TBC1D22B: variants seen among roughly 807,000 people sequenced by gnomAD.
The protein encoded by TBC1D22B is TBC1 domain family member 22B, also known as chromosome 6 open reading frame 197.
In TBC1D22B, 32 loss-of-function variants were observed where a neutral mutation model predicts 69.1. The observed-to-expected ratio is 0.46, with a 90% CI of 0.35 to 0.62. TBC1D22B has a LOEUF of 0.62. Ranked by LOEUF, TBC1D22B falls within the 20% of genes least tolerant of loss-of-function variation. The pLI is 0.00. For synonymous variants in TBC1D22B, 206 were observed against 229.8 expected (o/e 0.90, Z 0.94); for missense variants, 462 against 630.9 (o/e 0.73, Z 2.87).
intron 2 of TBC1D22B, among the ~76,000 whole-genome samples, chr6:37,279,047 G>C (rs1393263259): frequency 6.6e-6 from 1 of 152,192 alleles, no homozygotes; most frequent in Non-Finnish European, 1.5e-5. Flanking sequence ...CCTCACCTAA[G>C]TGTATGGGGG....
At chr6:37,266,754 C>T (rs989050863) in intron 1 of TBC1D22B, among the ~76,000 whole-genome samples, 1 of 150,728 alleles carries the variant, frequency 6.6e-6, no homozygotes. Context: ...TGAGCCACCG[C>T]ACCTGGCCAG....
intron 8 of TBC1D22B, among the ~76,000 whole-genome samples, chr6:37,301,886 AC>A (rs2113766674): frequency 6.6e-6 from 1 of 152,242 alleles, no homozygotes; most frequent in South Asian, 2.1e-4. Flanking sequence ...TTCTCATGGA[AC>A]AGGCCAGCAG....
At position 37,319,922 on chromosome 6, in the gene TBC1D22B, C is replaced by T. The variant is rs181419973; in HGVS notation, c.1389+2716C>T. Among the ~76,000 whole-genome samples the T allele has an allele frequency of 3.2e-3, 492 of 152,274 alleles. 1 individual carries two copies. Among genetic ancestry groups the T allele is most frequent in the Non-Finnish European group, 5.5e-3 (373 of 68,018 alleles). On this transcript the variant is annotated intron_variant, in intron 12 of 12. Coordinates refer to ENST00000373491, the MANE Select transcript of TBC1D22B (RefSeq NM_017772.4). ...AAAGTAGGCACATGTATCCTAACTG[C>T]TGAAGGGCTGCTTGTAGTGAAATCA...
chr6:37,307,375 CAG>C (rs901043018), intron 8 of TBC1D22B, among the ~76,000 whole-genome samples: 16 of 142,066 alleles, frequency 1.1e-4, no homozygotes, highest in South Asian at 4.4e-4. Flanking sequence ...TTTTTTGAGA[CAG>C]AGTCTTCTCG....
chr6:37,299,181 G>A (rs534597978), intron 8 of TBC1D22B, among the ~76,000 whole-genome samples: 36 of 152,200 alleles, frequency 2.4e-4, no homozygotes, highest in African/African-American at 6.7e-4. Context: ...GTGATATTAT[G>A]TATCTTTTCT....
chr6:37,276,298 C>T (rs1041192978), intron 2 of TBC1D22B, among the ~76,000 whole-genome samples: 3 of 152,090 alleles, frequency 2.0e-5, no homozygotes, highest in African/African-American at 4.8e-5. Context: ...TTCTCACCAA[C>T]CTTGTTTTGT....
At chr6:37,305,940 C>T (rs574561382) in intron 8 of TBC1D22B, among the ~76,000 whole-genome samples, 3 of 152,238 alleles carry the variant, frequency 2.0e-5, no homozygotes, top group African/African-American at 7.2e-5. Flanking sequence ...TTTTAGCAGC[C>T]ACCCTATTTG....
intron 2 of TBC1D22B, among the ~76,000 whole-genome samples, chr6:37,273,991 T>C (rs866208242): frequency 1.2e-4 from 18 of 152,254 alleles, no homozygotes; most frequent in African/African-American, 3.4e-4. Flanking sequence ...TCCATGTGTA[T>C]TGACTTTAAT....
Position 37,291,365 on chromosome 6 carries a change from G to C in TBC1D22B, c.982+8G>C. 1 of 1,572,714 alleles carries C rather than the reference G, an allele frequency of 6.4e-7. No homozygotes were observed. The highest frequency in any genetic ancestry group is 8.7e-7 in the Non-Finnish European group (1 of 1,151,330). On this transcript the variant is annotated splice_region_variant and intron_variant, in intron 8 of 12. Coordinates refer to ENST00000373491, the MANE Select transcript of TBC1D22B (RefSeq NM_017772.4). Reference sequence around the variant, plus strand: ...TCCTCTCAGAATATGTGGGTAAGAAGCATTAGTACCAAGCTGAACAAGCTA... The same window carrying C: ...TCCTCTCAGAATATGTGGGTAAGAACCATTAGTACCAAGCTGAACAAGCTA...
chr6:37,279,278 T>C, intron 2 of TBC1D22B, 26 bp from the exon 3 acceptor site: 1 of 1,567,820 alleles, frequency 6.4e-7, no homozygotes, highest in Non-Finnish European at 8.6e-7. Context: ...GGCCATTCCT[T>C]GGTAATCGTG....
chr6:37,322,264 A>G (rs916320168), intron 12 of TBC1D22B, among the ~76,000 whole-genome samples: 1 of 152,176 alleles, frequency 6.6e-6, no homozygotes, highest in Admixed American at 6.5e-5. Context: ...GAGGCCAGGC[A>G]CGGTGGCTTA....
chr6:37,284,321 C>A lies in TBC1D22B; in HGVS notation c.673-15C>A. 1 of 1,614,108 alleles carries A rather than the reference C, an allele frequency of 6.2e-7. No homozygotes were observed. The highest frequency in any genetic ancestry group is 8.5e-7 in the Non-Finnish European group (1 of 1,179,970). On this transcript the variant is annotated splice_polypyrimidine_tract_variant and intron_variant, in intron 5 of 12. Transcript: ENST00000373491. ...CCATTGTCTTTCCCCATCTGACCAG[C>A]AGTCTTGTCTATAGGGCTATCTCCC...
chr6:37,297,210 C>T (rs1767411907), intron 8 of TBC1D22B, among the ~76,000 whole-genome samples: 1 of 152,194 alleles, frequency 6.6e-6, no homozygotes, highest in Non-Finnish European at 1.5e-5. Flanking sequence ...ATCTAATATA[C>T]AGTCGTATTC....
At chr6:37,306,790 C>T (rs545662094) in intron 8 of TBC1D22B, among the ~76,000 whole-genome samples, 1 of 152,336 alleles carries the variant, frequency 6.6e-6, no homozygotes, top group South Asian at 2.1e-4. Context: ...AGTTAATAGT[C>T]ACCACCCTGA....
intron 8 of TBC1D22B, among the ~76,000 whole-genome samples, chr6:37,296,813 TATATATATATTATA>T (rs1334794886): frequency 1.0e-4 from 14 of 139,142 alleles, no homozygotes; most frequent in African/African-American, 3.7e-4. Flanking sequence ...TGCACACACA[TATATATATATTATA>T]ATTTTTTGGT....
chr6:37,262,627 C>T (rs901051404), intron 1 of TBC1D22B, among the ~76,000 whole-genome samples: 3 of 152,224 alleles, frequency 2.0e-5, no homozygotes, highest in Non-Finnish European at 4.4e-5. Context: ...AGGTACATTA[C>T]AACTTGTTCT....
At chr6:37,297,795 C>G (rs948517536) in intron 8 of TBC1D22B, among the ~76,000 whole-genome samples, 10 of 152,142 alleles carry the variant, frequency 6.6e-5, no homozygotes, top group Non-Finnish European at 1.5e-4. Context: ...GGAACCAACC[C>G]AAATGCCCAT....
intron 8 of TBC1D22B, among the ~76,000 whole-genome samples, chr6:37,300,025 A>G (rs1180908453): frequency 6.6e-6 from 1 of 151,186 alleles, no homozygotes; most frequent in Non-Finnish European, 1.5e-5. Flanking sequence ...AAAAAAAAAA[A>G]GATTACAAAA....
intron 1 of TBC1D22B, among the ~76,000 whole-genome samples, chr6:37,267,535 TAA>T (rs1491132076): frequency 7.4e-6 from 1 of 134,552 alleles, no homozygotes; most frequent in Non-Finnish European, 1.6e-5. Context: ...ACTATATATA[TAA>T]TATATATATA....
Sources: gnomAD v4.1 joint callset for allele counts (sites outside exome capture counted in the v4.1 genomes callset) on GRCh38, gnomAD v4.1.1 for gene constraint, MANE v1.5 for transcripts, NCBI Gene and HGNC (gene_info 2026-07-23, HGNC 2026-07-21) for gene names.